PLXNC1: variants seen among roughly 807,000 people sequenced by gnomAD.
PLXNC1 encodes the protein plexin C1, also known as plexin-C1.
PLXNC1 carries 75 observed loss-of-function variants against 178.2 expected under a neutral mutation model. That is an observed-to-expected ratio of 0.42 (90% CI 0.35 to 0.51). The LOEUF (loss-of-function observed/expected upper bound fraction) is 0.51, where lower values mean the gene tolerates loss of function less well. Ranked by LOEUF, PLXNC1 falls within the 20% of genes least tolerant of loss-of-function variation. The pLI is 0.02. For synonymous variants in PLXNC1, 790 were observed against 779.9 expected (o/e 1.01, Z -0.22); for missense variants, 1,503 against 1,984.4 (o/e 0.76, Z 4.61).
chr12:94,236,169 C>T (rs145349938), intron 9 of PLXNC1, among the ~76,000 whole-genome samples: 83 of 152,308 alleles, frequency 5.4e-4, no homozygotes, highest in Non-Finnish European at 9.0e-4. Context: ...ACAGGGCTAA[C>T]GTCCTTCACA....
chr12:94,251,279 T>A, intron 14 of PLXNC1, 147 bp from the exon 15 acceptor site: 1 of 614,608 alleles, frequency 1.6e-6, no homozygotes, highest in Non-Finnish European at 2.9e-6. Flanking sequence ...ACATAGCTAA[T>A]CTGCCACAGA....
chr12:94,252,132 T>C (rs1964712417), intron 15 of PLXNC1, among the ~76,000 whole-genome samples: 1 of 152,184 alleles, frequency 6.6e-6, no homozygotes, highest in Non-Finnish European at 1.5e-5. Context: ...TGGTGACAAA[T>C]GTTCATTTAT....
rs978490442 is a variant in PLXNC1 at position 94,264,427 on chromosome 12, A to C, written c.3451-652A>C. Among the ~76,000 whole-genome samples the C allele has an allele frequency of 3.0e-4, 46 of 152,176 alleles. 1 individual carries two copies. The highest frequency in any genetic ancestry group is 1.1e-3 in the African/African-American group (44 of 41,450). The stretch of plus-strand genomic sequence containing the variant: ...AATGGAATTGGCTCTGGTTCAGGGA[A>C]GAAGATGGAGTCCCTCTGGCCCAGC... On this transcript the variant is annotated intron_variant, in intron 20 of 30. Coordinates refer to ENST00000258526, the MANE Select transcript of PLXNC1 (RefSeq NM_005761.3).
intron 21 of PLXNC1, among the ~76,000 whole-genome samples, chr12:94,267,126 C>T (rs936534522): frequency 6.6e-6 from 1 of 152,110 alleles, no homozygotes; most frequent in African/African-American, 2.4e-5. Flanking sequence ...TACTTTAAGA[C>T]GTTTTAGAAG....
chr12:94,166,221 G>A (rs1961601821), intron 1 of PLXNC1, among the ~76,000 whole-genome samples: 2 of 149,598 alleles, frequency 1.3e-5, no homozygotes, highest in South Asian at 4.2e-4. Flanking sequence ...CATGGGTTAT[G>A]TGTTGCTATG....
chr12:94,229,855 T>C (rs751280513), intron 9 of PLXNC1, among the ~76,000 whole-genome samples: 3 of 152,256 alleles, frequency 2.0e-5, no homozygotes, highest in Admixed American at 2.0e-4. Context: ...TGTTCTTCTT[T>C]TTCAAGATTG....
intron 21 of PLXNC1, chr12:94,277,718 A>T (rs1251455547): frequency 2.9e-6 from 1 of 345,416 alleles, no homozygotes; most frequent in Non-Finnish European, 5.7e-6. Flanking sequence ...ATGTGGGCTG[A>T]ATCTGTTTGC....
At chr12:94,241,900 T>C (rs897886323) in intron 11 of PLXNC1, among the ~76,000 whole-genome samples, 1 of 151,638 alleles carries the variant, frequency 6.6e-6, no homozygotes, top group African/African-American at 2.4e-5. Flanking sequence ...ATCCTAACGA[T>C]ATTTTCTTTG....
At chr12:94,161,256 T>G (rs1447388088) in intron 1 of PLXNC1, among the ~76,000 whole-genome samples, 3 of 152,346 alleles carry the variant, frequency 2.0e-5, no homozygotes, top group African/African-American at 7.2e-5. Context: ...CTGGTTTATT[T>G]TGACAATAGG....
At chr12:94,274,157 A>T (rs1965768975) in intron 21 of PLXNC1, among the ~76,000 whole-genome samples, 5 of 62,628 alleles carry the variant, frequency 8.0e-5, no homozygotes, top group African/African-American at 2.0e-4. Context: ...CCTGTCTCTA[A>T]AAAAAAAAAA....
In PLXNC1 at chr12:94,232,379, G is replaced by A. The variant is rs571658413; in HGVS notation, c.1980+5144G>A. ...GCTGGGATTACAGGCATGAGCCACC[G>A]CACCCGGCCCCTCCATCACTTTTGA... On this transcript the variant is annotated intron_variant, in intron 9 of 30. Transcript: ENST00000258526. Among the ~76,000 whole-genome samples, 244 of 152,252 alleles carry A rather than the reference G, an allele frequency of 1.6e-3. 1 individual carries two copies. Among genetic ancestry groups the A allele is most frequent in the Non-Finnish European group, 2.8e-3 (188 of 68,014 alleles).
rs1240934707 is a variant in PLXNC1, at chr12:94,149,959, C to T, written c.988C>T (p.Leu330Phe). 1.2e-5 allele frequency: 19 copies of T among 1,591,278 alleles called. No homozygotes were observed. Among genetic ancestry groups the T allele is most frequent in the Non-Finnish European group, 1.6e-5 (19 of 1,170,046 alleles). ...CTCCCCCACCACCACGGCGCTCTGC[C>T]TCTTCAGAATGAGTGAGATCCAGGC... Reference protein sequence around the residue: ...RRSPTTTALCLFRMSEIQARA... With the variant: ...RRSPTTTALCFFRMSEIQARA... Residue 330 changes from leucine (L) to phenylalanine (F), a missense_variant, in exon 1 of 31, where the codon CTC becomes TTC. Leu to Phe is a conservative substitution (Grantham distance 22, BLOSUM62 0). Transcript: ENST00000258526.
At chr12:94,150,546 C>G (rs537118476) in intron 1 of PLXNC1, among the ~76,000 whole-genome samples, 1 of 152,350 alleles carries the variant, frequency 6.6e-6, no homozygotes, top group Admixed American at 6.5e-5. Flanking sequence ...GTCTCCGCCC[C>G]CCACCGGCAA....
At chr12:94,165,580 G>GGTGCTC (rs1555194459) in intron 1 of PLXNC1, among the ~76,000 whole-genome samples, 39 of 152,258 alleles carry the variant, frequency 2.6e-4, no homozygotes, top group Non-Finnish European at 4.6e-4. Context: ...AAGAACTGCA[G>GGTGCTC]TTTAGTGTCC....
intron 4 of PLXNC1, 91 bp downstream of exon 4, chr12:94,186,564 A>G (rs904735633): frequency 3.9e-6 from 3 of 778,250 alleles, no homozygotes; most frequent in Non-Finnish European, 4.5e-6. Context: ...GATCCATTCC[A>G]GTGACCTGAG....
chr12:94,259,913 A>G (rs536290509), intron 19 of PLXNC1, among the ~76,000 whole-genome samples, 179 bp downstream of exon 19: 330 of 152,022 alleles, frequency 2.2e-3, no homozygotes, highest in African/African-American at 6.5e-3. Context: ...AAAAAAAAAA[A>G]AGAGAGAGAA....
rs372966083 is a variant in PLXNC1 at position 94,229,292 on chromosome 12, T to C, written c.1980+2057T>C. Among the ~76,000 whole-genome samples, 231 of 152,340 alleles carry C rather than the reference T, an allele frequency of 1.5e-3. 1 individual carries two copies. Among genetic ancestry groups the C allele is most frequent in the African/African-American group, 5.5e-3 (228 of 41,582 alleles). ...TTGAGTTGTAGGAGTTCTTTATGTA[T>C]TCTGGGTATCAACCCCCTATCAGAT... On this transcript the variant is annotated intron_variant, in intron 9 of 30. Transcript: ENST00000258526.
chr12:94,236,253 A>G (rs2361355), intron 9 of PLXNC1, among the ~76,000 whole-genome samples: 75,062 of 152,140 alleles, frequency 0.49, 19,797 homozygotes, highest in African/African-American at 0.69. Context: ...TGACATTAAC[A>G]ATGAATTTAC....
chr12:94,215,084 G>A (rs1385360967), intron 5 of PLXNC1, among the ~76,000 whole-genome samples: 1 of 152,120 alleles, frequency 6.6e-6, no homozygotes, highest in East Asian at 1.9e-4. Context: ...TTTAAGTAGA[G>A]ACGGAGTTTC....
Sources: allele counts gnomAD v4.1 joint callset (sites outside exome capture counted in the v4.1 genomes callset), GRCh38; gene constraint gnomAD v4.1.1; transcripts MANE v1.5; gene names NCBI Gene and HGNC (gene_info 2026-07-23, HGNC 2026-07-21).